Variants in ENOX1 observed in about 807,000 individuals in gnomAD.
ENOX1 encodes candidate growth-related and time keeping constitutive hydroquinone (NADH) oxidase.
Under a neutral mutation model 82.5 loss-of-function variants are expected in ENOX1, and 42 were observed. The ratio of observed to expected loss-of-function variants is 0.51; its 90% CI spans 0.40 to 0.66. The LOEUF (loss-of-function observed/expected upper bound fraction) is 0.66, where lower values mean the gene tolerates loss of function less well. Ranked by LOEUF, ENOX1 falls within the 30% of genes least tolerant of loss-of-function variation. The probability of loss-of-function intolerance (pLI) is 0.00; values close to 1 mark genes in which losing one functional copy is unlikely to be tolerated. For synonymous variants in ENOX1, 271 were observed against 282.2 expected (o/e 0.96, Z 0.40); for missense variants, 608 against 811.6 (o/e 0.75, Z 3.05).
chr13:43,472,662 T>C (rs1011697512), intron 3 of ENOX1, among the ~76,000 whole-genome samples: 10 of 152,154 alleles, frequency 6.6e-5, no homozygotes, highest in African/African-American at 2.2e-4. Context: ...CCACTGAGGT[T>C]ATGGGATTTT....
chr13:43,507,381 T>C (rs986453351), intron 2 of ENOX1, among the ~76,000 whole-genome samples: 1 of 151,992 alleles, frequency 6.6e-6, no homozygotes, highest in South Asian at 2.1e-4. Context: ...TATGTTTTTG[T>C]AAGAGTTCCT....
intron 1 of ENOX1, among the ~76,000 whole-genome samples, chr13:43,724,278 AT>A (rs1367774737): frequency 6.6e-6 from 1 of 152,212 alleles, no homozygotes; most frequent in Non-Finnish European, 1.5e-5. Context: ...TTCTACACAA[AT>A]AGGAGTGGCA....
intron 11 of ENOX1, among the ~76,000 whole-genome samples, chr13:43,318,297 T>C (rs1276401890): frequency 6.6e-6 from 1 of 152,230 alleles, no homozygotes; most frequent in Non-Finnish European, 1.5e-5. Flanking sequence ...CATTTTGGTT[T>C]ATAATAAATT....
intron 2 of ENOX1, among the ~76,000 whole-genome samples, chr13:43,650,310 C>CT (rs1028334211): frequency 3.3e-5 from 5 of 152,118 alleles, no homozygotes; most frequent in South Asian, 2.1e-4. Context: ...TTCTTCTTTG[C>CT]TTTTTTTTCT....
At chr13:43,417,570 T>C (rs896462620) in intron 3 of ENOX1, among the ~76,000 whole-genome samples, 2 of 152,244 alleles carry the variant, frequency 1.3e-5, no homozygotes, top group Non-Finnish European at 2.9e-5. Flanking sequence ...ATGCCTAATT[T>C]ATCATTCACA....
In ENOX1 at chr13:43,256,204, G is replaced by A. The variant is rs138978223; in HGVS notation, c.1611+9194C>T. Among the ~76,000 whole-genome samples the A allele has an allele frequency of 1.7e-3, 265 of 152,244 alleles. 1 individual carries two copies. Among genetic ancestry groups the A allele is most frequent in the African/African-American group, 6.2e-3 (257 of 41,544 alleles). On this transcript the variant is annotated intron_variant, in intron 14 of 16. Transcript: ENST00000690772. ...AGACCAGAAAGTATGAAACTACTAG[G>A]AGAAAACATTGAGGAAATGCTCCAG... is the stretch of plus-strand genomic sequence containing the variant.
chr13:43,724,597 C>T (rs2088809843), intron 1 of ENOX1, among the ~76,000 whole-genome samples: 1 of 152,192 alleles, frequency 6.6e-6, no homozygotes, highest in South Asian at 2.1e-4. Context: ...CAATTAACAC[C>T]GAATCCATAA....
At chr13:43,389,694 GTAAAGGAATT>G (rs764443414) in intron 5 of ENOX1, among the ~76,000 whole-genome samples, 35 of 152,172 alleles carry the variant, frequency 2.3e-4, no homozygotes, top group Non-Finnish European at 4.6e-4. Context: ...GGTCAAAGAG[GTAAAGGAATT>G]TAACTTTCTC....
intron 16 of ENOX1, 75 bp from the exon 17 acceptor site, chr13:43,214,196 G>A: frequency 3.4e-6 from 5 of 1,475,108 alleles, no homozygotes; most frequent in Non-Finnish European, 3.7e-6. Flanking sequence ...GGAAGGATGA[G>A]CTTTCCCAGT....
intron 9 of ENOX1, among the ~76,000 whole-genome samples, chr13:43,342,338 C>T (rs2049114776): frequency 6.6e-6 from 1 of 152,060 alleles, no homozygotes; most frequent in African/African-American, 2.4e-5. Flanking sequence ...TCTTGATGAC[C>T]TAGAAGTCAG....
chr13:43,372,639 C>T (rs1407772), intron 5 of ENOX1, among the ~76,000 whole-genome samples: 83,763 of 151,854 alleles, frequency 0.55, 26,445 homozygotes, highest in Non-Finnish European at 0.73. Flanking sequence ...AACAAGTTTA[C>T]AAAAGAGGCA....
intron 5 of ENOX1, among the ~76,000 whole-genome samples, chr13:43,371,735 A>G (rs138826115): frequency 1.6e-4 from 24 of 152,364 alleles, no homozygotes; most frequent in African/African-American, 5.8e-4. Flanking sequence ...TGTAGGTTTC[A>G]ATTTAAACTT....
Position 43,484,203 on chromosome 13 carries a change from T to A in ENOX1, c.-218-51A>T, listed in dbSNP as rs1452870931. On this transcript the variant is annotated intron_variant, in intron 2 of 16. Coordinates refer to ENST00000690772, the MANE Select transcript of ENOX1 (RefSeq NM_001347969.2). Reference sequence around the variant, plus strand: ...TAGGATATGTCTAAAGTACCATTACTGCCTGTAATGGTATTATTATCACTT... The same window carrying A: ...TAGGATATGTCTAAAGTACCATTACAGCCTGTAATGGTATTATTATCACTT... The A allele has an allele frequency of 1.2e-4, 106 of 893,548 alleles. No homozygotes were observed. The East Asian group carries it at 3.8e-3, about 32-fold the overall frequency. 55.4% of individuals were successfully genotyped at this position (893,548 alleles called of 1,614,324 possible).
At chr13:43,717,270 C>A (rs1438750462) in intron 1 of ENOX1, among the ~76,000 whole-genome samples, 1 of 152,050 alleles carries the variant, frequency 6.6e-6, no homozygotes, top group Non-Finnish European at 1.5e-5. Context: ...TCAACAAAAT[C>A]AAAAAAAATA....
At chr13:43,524,064 G>A (rs974203345) in intron 2 of ENOX1, among the ~76,000 whole-genome samples, 5 of 151,942 alleles carry the variant, frequency 3.3e-5, no homozygotes, top group Non-Finnish European at 7.4e-5. Context: ...ATCCTCCATG[G>A]CTACAGCCAT....
intron 1 of ENOX1, among the ~76,000 whole-genome samples, chr13:43,773,860 C>A (rs1951780205): frequency 6.6e-6 from 1 of 152,154 alleles, no homozygotes; most frequent in Non-Finnish European, 1.5e-5. Context: ...CTTGGCACAA[C>A]AAATACCTAT....
chr13:43,784,789 T>C (rs1952474020), intron 1 of ENOX1, among the ~76,000 whole-genome samples: 1 of 152,252 alleles, frequency 6.6e-6, no homozygotes, highest in Non-Finnish European at 1.5e-5. Context: ...CATCAGTTGC[T>C]GTTTGTTTCA....
intron 2 of ENOX1, among the ~76,000 whole-genome samples, chr13:43,614,088 A>G (rs1360995681): frequency 6.6e-6 from 1 of 152,206 alleles, no homozygotes; most frequent in Non-Finnish European, 1.5e-5. Context: ...TACTTTGACA[A>G]TAAAAACTCC....
chr13:43,538,481 A>C (rs1244851268), intron 2 of ENOX1, among the ~76,000 whole-genome samples: 1 of 151,940 alleles, frequency 6.6e-6, no homozygotes, highest in South Asian at 2.1e-4. Context: ...ATTTTAATAA[A>C]TACTTTATCA....
Sources: gnomAD v4.1 joint callset for allele counts (sites outside exome capture counted in the v4.1 genomes callset) on GRCh38, gnomAD v4.1.1 for gene constraint, MANE v1.5 for transcripts, NCBI Gene and HGNC (gene_info 2026-07-23, HGNC 2026-07-21) for gene names.